Variants in UNC13C observed in about 807,000 individuals in gnomAD.
UNC13C encodes protein unc-13 homolog C.
In UNC13C, 174 loss-of-function variants were observed where a neutral mutation model predicts 245.4. That is an observed-to-expected ratio of 0.71 (90% confidence interval 0.63 to 0.80). The LOEUF (loss-of-function observed/expected upper bound fraction) is 0.80. Among genes scored for constraint, UNC13C ranks in the 30% least tolerant of loss-of-function variants. UNC13C has a pLI of 0.00. For synonymous variants in UNC13C, 992 were observed against 895.1 expected (o/e 1.11, Z -1.93); for missense variants, 2,829 against 2,602.9 (o/e 1.09, Z -1.89).
chr15:54,138,736 A>C (rs1172903464), intron 2 of UNC13C, among the ~76,000 whole-genome samples: 1 of 151,762 alleles, frequency 6.6e-6, no homozygotes, highest in African/African-American at 2.4e-5. Context: ...CATAATATCG[A>C]AAATTGAGTG....
intron 4 of UNC13C, among the ~76,000 whole-genome samples, chr15:54,209,320 C>A (rs994951698): frequency 6.6e-6 from 1 of 152,094 alleles, no homozygotes; most frequent in Non-Finnish European, 1.5e-5. Flanking sequence ...ATTCTATACT[C>A]CAGTTATAAA....
At chr15:53,873,698 C>G in the UNC13C span, among the ~76,000 whole-genome samples, 1 of 3,618 alleles carries the variant, frequency 2.8e-4, no homozygotes. Context: ...TGAGCAACAC[C>G]TCCCTCCTTC....
chr15:54,393,255 A>G (rs1477388192), intron 18 of UNC13C, 74 bp downstream of exon 18: 8 of 1,260,212 alleles, frequency 6.3e-6, no homozygotes, highest in African/African-American at 1.5e-5. Context: ...TAAGCGCAAC[A>G]TATACTGACG....
the UNC13C span, among the ~76,000 whole-genome samples, chr15:53,901,168 A>T: frequency 6.6e-6 from 1 of 150,740 alleles, no homozygotes. Context: ...GAATTTCTCC[A>T]TTAAATTAAA....
chr15:54,209,069 T>A lies in UNC13C; in HGVS notation c.3072-25961T>A, dbSNP rs541494947. On this transcript the variant is annotated intron_variant, in intron 4 of 32. Transcript: ENST00000260323. ...TCAGTGCTCCTGTCCTGAAAGGAAG[T>A]CTCTCTTGGGTACTACAAACTAGTC... Among the ~76,000 whole-genome samples, 3 of 152,234 alleles carry A rather than the reference T, an allele frequency of 2.0e-5. No homozygotes were observed. In the South Asian group the frequency reaches 6.2e-4, roughly 32 times the overall value.
At chr15:54,398,158 C>G (rs2040109298) in intron 18 of UNC13C, among the ~76,000 whole-genome samples, 1 of 151,238 alleles carries the variant, frequency 6.6e-6, no homozygotes, top group South Asian at 2.1e-4. Context: ...AAGTTTTTAT[C>G]ATGAAAGGGT....
At chr15:54,564,703 A>C (rs916525735) in intron 29 of UNC13C, among the ~76,000 whole-genome samples, 2 of 151,954 alleles carry the variant, frequency 1.3e-5, no homozygotes, top group African/African-American at 4.8e-5. Flanking sequence ...CCTATGGCCT[A>C]ATAATTTTAG....
intron 16 of UNC13C, among the ~76,000 whole-genome samples, chr15:54,335,159 C>T (rs1269492644): frequency 1.3e-5 from 2 of 151,672 alleles, no homozygotes; most frequent in African/African-American, 4.8e-5. Context: ...TTGATTTTGT[C>T]TTCTCTTGTG....
chr15:54,196,373 A>C (rs1411121664), intron 4 of UNC13C, among the ~76,000 whole-genome samples: 1 of 152,076 alleles, frequency 6.6e-6, no homozygotes, highest in African/African-American at 2.4e-5. Context: ...CAACCTCCAG[A>C]AATGAGACTT....
chr15:54,184,794 G>T (rs2033918729), intron 4 of UNC13C, among the ~76,000 whole-genome samples: 1 of 152,098 alleles, frequency 6.6e-6, no homozygotes, highest in Admixed American at 6.6e-5. Context: ...GTAATGGGAT[G>T]GCTGGGTCAA....
chr15:53,858,451 C>T, the UNC13C span, among the ~76,000 whole-genome samples: 1 of 148,580 alleles, frequency 6.7e-6, no homozygotes, highest in Non-Finnish European at 1.5e-5. Flanking sequence ...GATGGTGTCT[C>T]GCTCTGTCGC....
At chr15:54,588,207 C>T (rs1898590149) in intron 30 of UNC13C, among the ~76,000 whole-genome samples, 1 of 152,176 alleles carries the variant, frequency 6.6e-6, no homozygotes, top group Non-Finnish European at 1.5e-5. Flanking sequence ...CAATGGGGCA[C>T]AACCCATTAT....
At chr15:53,868,562 A>C in the UNC13C span, among the ~76,000 whole-genome samples, 1 of 151,076 alleles carries the variant, frequency 6.6e-6, no homozygotes, top group African/African-American at 2.4e-5. Context: ...TCTTAGCTTA[A>C]TGTATAAGAT....
At chr15:54,142,749 AACT>A (rs1447572256) in intron 2 of UNC13C, among the ~76,000 whole-genome samples, 2 of 152,154 alleles carry the variant, frequency 1.3e-5, no homozygotes, top group Non-Finnish European at 2.9e-5. Context: ...CTGATTCTTC[AACT>A]ATGTTCTTTT....
At chr15:54,058,218 G>A (rs1449435229) in intron 2 of UNC13C, among the ~76,000 whole-genome samples, 1 of 152,034 alleles carries the variant, frequency 6.6e-6, no homozygotes, top group Admixed American at 6.6e-5. Flanking sequence ...CAACTAGCAA[G>A]ACTAATAAAG....
chr15:54,198,344 T>C (rs1429239991), intron 4 of UNC13C, among the ~76,000 whole-genome samples: 1 of 152,070 alleles, frequency 6.6e-6, no homozygotes, highest in South Asian at 2.1e-4. Flanking sequence ...GCATCCTCCC[T>C]GTAGAACCAC....
intron 13 of UNC13C, among the ~76,000 whole-genome samples, chr15:54,316,219 A>T (rs987063501): frequency 1.3e-5 from 2 of 151,902 alleles, no homozygotes; most frequent in African/African-American, 4.8e-5. Context: ...ACTCTCTGTA[A>T]ACCCCTCAGA....
At chr15:54,057,354 G>C (rs927201639) in intron 2 of UNC13C, among the ~76,000 whole-genome samples, 3 of 151,000 alleles carry the variant, frequency 2.0e-5, no homozygotes, top group East Asian at 3.9e-4. Context: ...AAGATCAAAA[G>C]AGACAAAGAA....
chr15:54,557,766 GT>G (rs1171074804), intron 29 of UNC13C, among the ~76,000 whole-genome samples: 9 of 151,860 alleles, frequency 5.9e-5, no homozygotes, highest in Admixed American at 3.3e-4. Flanking sequence ...ATGCTATGAA[GT>G]TTTTAGAATA....
Sources: gnomAD v4.1 joint callset for allele counts (sites outside exome capture counted in the v4.1 genomes callset) on GRCh38, gnomAD v4.1.1 for gene constraint, MANE v1.5 for transcripts, NCBI Gene and HGNC (gene_info 2026-07-23, HGNC 2026-07-21) for gene names.